RBMS3: variants seen among roughly 807,000 people sequenced by gnomAD.
The protein encoded by RBMS3 is RNA binding motif single stranded interacting protein 3, also known as RNA-binding motif, single-stranded-interacting protein 3.
A neutral mutation model predicts 66.8 loss-of-function variants in RBMS3; 27 were observed. The observed-to-expected ratio is 0.40, with a 90% CI of 0.30 to 0.56. RBMS3 has a LOEUF of 0.56. RBMS3 is among the 20% of genes least tolerant of loss of function. RBMS3 has a pLI of 0.40. For synonymous variants in RBMS3, 188 were observed against 183.0 expected (o/e 1.03, Z -0.22); for missense variants, 513 against 549.5 (o/e 0.93, Z 0.66).
At chr3:29,449,524 A>G (rs530059375) in intron 2 of RBMS3, among the ~76,000 whole-genome samples, 1 of 152,378 alleles carries the variant, frequency 6.6e-6, no homozygotes, top group Admixed American at 6.5e-5. Flanking sequence ...TAGTAGTATA[A>G]TAATTCTCAG....
intron 14 of RBMS3, among the ~76,000 whole-genome samples, chr3:29,992,624 T>C (rs1176489084): frequency 2.0e-5 from 3 of 151,884 alleles, no homozygotes; most frequent in Admixed American, 2.0e-4. Context: ...CTATAGGTAT[T>C]AAAATTATTG....
Position 30,009,211 on chromosome 3 carries a change from T to G in RBMS3, c.*5349T>G, listed in dbSNP as rs1248187546. The G allele has an allele frequency of 6.6e-6, 1 of 152,132 alleles. No homozygotes were observed. The highest frequency in any genetic ancestry group is 1.5e-5 in the Non-Finnish European group (1 of 67,992). The allele number at this position is 152,132 out of a possible 1,614,324, so 9.4% of individuals were successfully genotyped here. A position where few individuals can be genotyped will look rare whatever the true frequency, so the allele number is the denominator to read the frequency against. On this transcript the variant is annotated 3_prime_UTR_variant, in exon 15 of 15. Coordinates refer to ENST00000383767, the MANE Select transcript of RBMS3 (RefSeq NM_001003793.3). ...TGTGCATAAATACAATCACTCTCAA[T>G]TTTTGAAGGGCTAATTATCTACTTT...
intron 1 of RBMS3, among the ~76,000 whole-genome samples, chr3:29,285,344 C>T (rs938467330): frequency 6.6e-6 from 1 of 151,668 alleles, no homozygotes; most frequent in African/African-American, 2.4e-5. Context: ...GGTTACAGCC[C>T]GGTGAATTGA....
chr3:29,675,724 T>C (rs1225176404), intron 4 of RBMS3, among the ~76,000 whole-genome samples: 1 of 152,200 alleles, frequency 6.6e-6, no homozygotes, highest in East Asian at 1.9e-4. Context: ...AAAACCACAA[T>C]GAGATTCCAT....
intron 3 of RBMS3, among the ~76,000 whole-genome samples, chr3:29,499,970 C>T (rs548981108): frequency 5.3e-5 from 8 of 151,404 alleles, no homozygotes; most frequent in South Asian, 2.1e-4. Context: ...TGAAATTCCA[C>T]GGGAAATATA....
In RBMS3 at chr3:29,922,443, C is replaced by A. The variant is rs181349375; in HGVS notation, c.940-13643C>A. On this transcript the variant is annotated intron_variant, in intron 10 of 14. Coordinates refer to ENST00000383767, the MANE Select transcript of RBMS3 (RefSeq NM_001003793.3). ...CGGAGCTTTCAGTGAGCCGAGATTG[C>A]GCCACTGCAGTCCGCAGTCCGGCCT... Among the ~76,000 whole-genome samples, 959 of 144,118 alleles carry A rather than the reference C, an allele frequency of 6.7e-3. 15 individuals are homozygous for A. Among genetic ancestry groups the A allele is most frequent in the African/African-American group, 0.024 (920 of 39,030 alleles). 94.5% of individuals were successfully genotyped at this position (144,118 alleles called of 152,430 possible). A position where few individuals can be genotyped will look rare whatever the true frequency, so the allele number is the denominator to read the frequency against.
intron 6 of RBMS3, among the ~76,000 whole-genome samples, chr3:29,796,527 G>A (rs2057194487): frequency 6.6e-6 from 1 of 152,000 alleles, no homozygotes; most frequent in Admixed American, 6.6e-5. Flanking sequence ...GACAGCTATA[G>A]CATTATGAAA....
intron 12 of RBMS3, among the ~76,000 whole-genome samples, chr3:29,945,039 A>T (rs1695208311): frequency 6.6e-6 from 1 of 151,704 alleles, no homozygotes. Flanking sequence ...CAAAGAGAAA[A>T]ATGGGCACAA....
At chr3:29,381,488 T>G (rs1222762552) in intron 1 of RBMS3, among the ~76,000 whole-genome samples, 3 of 152,184 alleles carry the variant, frequency 2.0e-5, no homozygotes, top group African/African-American at 7.2e-5. Context: ...GTTATTATCC[T>G]GAAGTAGGGG....
Position 29,940,444 on chromosome 3 carries a change from A to C in RBMS3, c.1051-3763A>C, listed in dbSNP as rs370015538. Among the ~76,000 whole-genome samples, 3 of 152,006 alleles carry C rather than the reference A, an allele frequency of 2.0e-5. No individual in the cohort carries two copies. In the East Asian group the frequency reaches 5.8e-4, roughly 30 times the overall value. The stretch of plus-strand genomic sequence containing the variant: ...GGTTCCAAGGGCAGAGCAGAGAGCT[A>C]TCCAGTGAATAATCTAGAGTAGGAA... On this transcript the variant is annotated intron_variant, in intron 11 of 14. Coordinates refer to ENST00000383767, the MANE Select transcript of RBMS3 (RefSeq NM_001003793.3).
At chr3:29,287,707 A>T (rs1200627548) in intron 1 of RBMS3, among the ~76,000 whole-genome samples, 1 of 152,028 alleles carries the variant, frequency 6.6e-6, no homozygotes, top group Non-Finnish European at 1.5e-5. Flanking sequence ...AATAAAAATT[A>T]ATAACCTCTA....
At chr3:29,987,192 GTCTT>G (rs1301215550) in intron 12 of RBMS3, among the ~76,000 whole-genome samples, 1 of 152,130 alleles carries the variant, frequency 6.6e-6, no homozygotes, top group Non-Finnish European at 1.5e-5. Flanking sequence ...GAGAAAACTT[GTCTT>G]TATTTGATGA....
chr3:29,946,127 C>T (rs1345827352), intron 12 of RBMS3, among the ~76,000 whole-genome samples: 1 of 151,728 alleles, frequency 6.6e-6, no homozygotes, highest in Non-Finnish European at 1.5e-5. Context: ...ATAAGTTTCA[C>T]AGACTTCTTT....
rs897700742 is a variant in RBMS3 at position 29,746,173 on chromosome 3, T to C, written c.557+6296T>C. ...CTTTATTTGAAGGCAAATATATGAC[T>C]CTTTAAAATGCCCATCAAGTCTATC... On this transcript the variant is annotated intron_variant, in intron 5 of 14. Coordinates refer to ENST00000383767, the MANE Select transcript of RBMS3 (RefSeq NM_001003793.3). 5.3e-5 allele frequency among the ~76,000 whole-genome samples: 8 copies of C among 152,362 alleles called. No homozygotes were observed. In the East Asian group the frequency reaches 1.5e-3, roughly 29 times the overall value.
At chr3:29,673,579 C>A (rs190176416) in intron 4 of RBMS3, among the ~76,000 whole-genome samples, 119 of 151,872 alleles carry the variant, frequency 7.8e-4, no homozygotes, top group African/African-American at 2.8e-3. Flanking sequence ...GATATCACCA[C>A]CAATCCCACA....
At chr3:29,910,759 A>ATATACGTATATG (rs1553698249) in intron 10 of RBMS3, among the ~76,000 whole-genome samples, 1 of 150,752 alleles carries the variant, frequency 6.6e-6, no homozygotes, top group African/African-American at 2.4e-5. Flanking sequence ...ACATATACAT[A>ATATACGTATATG]TATATGTATA....
At chr3:29,736,631 G>A (rs1418272845) in intron 4 of RBMS3, among the ~76,000 whole-genome samples, 1 of 152,140 alleles carries the variant, frequency 6.6e-6, no homozygotes, top group Non-Finnish European at 1.5e-5. Context: ...TCATTGGTAG[G>A]CTCTGGGTTG....
chr3:29,364,684 G>A (rs1462478854), intron 1 of RBMS3, among the ~76,000 whole-genome samples: 2 of 152,004 alleles, frequency 1.3e-5, no homozygotes, highest in Admixed American at 1.3e-4. Context: ...GCCCAATCTC[G>A]GCAGCCTTAT....
At chr3:29,475,327 C>T (rs1978845) in intron 2 of RBMS3, among the ~76,000 whole-genome samples, 41,053 of 150,956 alleles carry the variant, frequency 0.27, 5,881 homozygotes, top group Admixed American at 0.39. Context: ...TGTCTCACTG[C>T]AACCTCCACC....
Sources: gnomAD v4.1 joint callset for allele counts (sites outside exome capture counted in the v4.1 genomes callset) on GRCh38, gnomAD v4.1.1 for gene constraint, MANE v1.5 for transcripts, NCBI Gene and HGNC (gene_info 2026-07-23, HGNC 2026-07-21) for gene names.